The following NTSR1 variants were observed in gnomAD, a reference collection of about 807,000 sequenced individuals.
NTSR1 encodes the protein neurotensin receptor type 1.
In NTSR1, 29 loss-of-function variants were observed where a neutral mutation model predicts 31.2. The observed-to-expected ratio is 0.93, with a 90% CI of 0.69 to 1.27. NTSR1 has a LOEUF of 1.27. Ranked by LOEUF, NTSR1 falls within the 50% of genes most tolerant of loss-of-function variation. The probability of loss-of-function intolerance (pLI) is 0.00; values close to 1 mark genes in which losing one functional copy is unlikely to be tolerated. For synonymous variants in NTSR1, 282 were observed against 269.9 expected, an observed-to-expected ratio of 1.04 and a Z score of -0.44; for missense variants, 697 against 595.4, an observed-to-expected ratio of 1.17 and a Z score of -1.78.
chr20:62,710,117 TGAG>T (rs1208941090), intron 1 of NTSR1, among the ~76,000 whole-genome samples, 196 bp downstream of exon 1: 2 of 152,208 alleles, frequency 1.3e-5, no homozygotes, highest in Non-Finnish European at 2.9e-5. Flanking sequence ...TCCCTCCTGT[TGAG>T]GGGATGGAGC....
rs1410808301 is a variant in NTSR1 at position 62,750,709 on chromosome 20, A to C, written c.715-3976A>C. On this transcript the variant is annotated intron_variant, in intron 1 of 3. Transcript: ENST00000370501. The stretch of plus-strand genomic sequence containing the variant: ...CCGTCTCAAAAAAAAAAAAAAAAAA[A>C]AAACAATACTGCATTGCACACTCAA... Among the ~76,000 whole-genome samples, 12 of 151,008 alleles carry C rather than the reference A, an allele frequency of 7.9e-5. No homozygotes were observed. The East Asian group carries it at 2.3e-3, about 29-fold the overall frequency.
At chr20:62,736,233 G>A (rs1466053100) in intron 1 of NTSR1, among the ~76,000 whole-genome samples, 3 of 152,226 alleles carry the variant, frequency 2.0e-5, no homozygotes, top group South Asian at 2.1e-4. Flanking sequence ...GGAGCAGGGC[G>A]GGAAGGGAAG....
rs1056721808 is a variant in NTSR1 at position 62,718,364 on chromosome 20, C to T, written c.714+8443C>T. Among the ~76,000 whole-genome samples the T allele has an allele frequency of 4.6e-5, 7 of 152,032 alleles. No individual in the cohort carries two copies. The East Asian group carries it at 7.7e-4, about 17-fold the overall frequency. Reference sequence around the variant, plus strand: ...GCCAGGGTGGGGGTGGAGAAGGTGGCGGAGAGGGGTTGGATACCAGAGACG... The same window carrying T: ...GCCAGGGTGGGGGTGGAGAAGGTGGTGGAGAGGGGTTGGATACCAGAGACG... On this transcript the variant is annotated intron_variant, in intron 1 of 3. Coordinates refer to ENST00000370501, the MANE Select transcript of NTSR1 (RefSeq NM_002531.3).
chr20:62,716,009 G>A (rs1387053558), intron 1 of NTSR1, among the ~76,000 whole-genome samples: 1 of 152,224 alleles, frequency 6.6e-6, no homozygotes, highest in Non-Finnish European at 1.5e-5. Flanking sequence ...ATTAAGAGAA[G>A]AAAGAAGCTT....
At chr20:62,716,440 C>A (rs1988721136) in intron 1 of NTSR1, among the ~76,000 whole-genome samples, 1 of 130,702 alleles carries the variant, frequency 7.7e-6, no homozygotes, top group South Asian at 2.7e-4. Context: ...CATAGGGGCG[C>A]TGGGAACTCT....
At chr20:62,759,314 G>T (rs1211409904) in intron 3 of NTSR1, among the ~76,000 whole-genome samples, 1 of 152,190 alleles carries the variant, frequency 6.6e-6, no homozygotes, top group African/African-American at 2.4e-5. Flanking sequence ...TGAGGGCAAG[G>T]TGTGTGGCTG....
At chr20:62,736,300 C>T (rs1989091739) in intron 1 of NTSR1, among the ~76,000 whole-genome samples, 4 of 152,316 alleles carry the variant, frequency 2.6e-5, no homozygotes, top group Middle Eastern at 3.4e-3. Flanking sequence ...CTGGGGAGAC[C>T]CTGGGACCCC....
Position 62,709,709 on chromosome 20 carries a change from C to G in NTSR1, c.502C>G (p.Leu168Val). The G allele has an allele frequency of 6.2e-7, 1 of 1,612,872 alleles. No individual in the cohort carries two copies. ...GGCCAGCCTGAGTGTGGAGCGCTAC[C>G]TGGCCATCTGCCACCCCTTCAAGGC... ...NVASLSVERY[L>V]AICHPFKAKT... Residue 168 changes from leucine to valine, a missense_variant, in exon 1 of 4, where the codon CTG becomes GTG. Leu to Val is a conservative substitution (Grantham distance 32, BLOSUM62 1). Coordinates refer to ENST00000370501, the MANE Select transcript of NTSR1 (RefSeq NM_002531.3).
At chr20:62,738,655 G>T (rs1568704728) in intron 1 of NTSR1, among the ~76,000 whole-genome samples, 1 of 152,250 alleles carries the variant, frequency 6.6e-6, no homozygotes, top group Non-Finnish European at 1.5e-5. Context: ...GCCTGTGTTG[G>T]CAGGGAGCCC....
Position 62,755,239 on chromosome 20 carries a change from C to G in NTSR1, c.916+353C>G, listed in dbSNP as rs149980282. Among the ~76,000 whole-genome samples the G allele has an allele frequency of 9.9e-3, 1,288 of 129,546 alleles. 27 individuals are homozygous for G. Among genetic ancestry groups the G allele is most frequent in the African/African-American group, 0.034 (1,165 of 34,528 alleles). 85.0% of individuals were successfully genotyped at this position (129,546 alleles called of 152,430 possible). A position where few individuals can be genotyped will look rare whatever the true frequency, so the allele number is the denominator to read the frequency against. On this transcript the variant is annotated intron_variant, in intron 2 of 3. Coordinates refer to ENST00000370501, the MANE Select transcript of NTSR1 (RefSeq NM_002531.3). ...TCCATCCTTCTCTCCCTCCTTCCCT[C>G]CATTCACTCCTCTACCTCTCCCTCC...
Position 62,762,478 on chromosome 20 carries a change from T to C in NTSR1, c.*2211T>C, listed in dbSNP as rs912564244. The C allele has an allele frequency of 1.3e-5, 2 of 149,950 alleles. No individual in the cohort carries two copies. The highest frequency in any genetic ancestry group is 1.3e-4 in the Admixed American group (2 of 15,224). The allele number at this position is 149,950 out of a possible 1,614,324, so 9.3% of individuals were successfully genotyped here. A position where few individuals can be genotyped will look rare whatever the true frequency, so the allele number is the denominator to read the frequency against. ...TCGGCTTTTCCCGTTGATGTCTTGA[T>C]GCTCCTATCTGTGCACTTACCGTAG... On this transcript the variant is annotated 3_prime_UTR_variant, in exon 4 of 4. Coordinates refer to ENST00000370501, the MANE Select transcript of NTSR1 (RefSeq NM_002531.3).
In NTSR1 at chr20:62,760,354, G is replaced by A; in HGVS notation, c.*87G>A. ...AGAGCAGCCCCCACCCGGGAGCCTT[G>A]ATGGGGGTCAGGCAGAGGCCAGCCT... On this transcript the variant is annotated 3_prime_UTR_variant, in exon 4 of 4. Transcript: ENST00000370501. 6.8e-7 allele frequency: 1 copy of A among 1,479,938 alleles called. No individual in the cohort carries two copies. Among genetic ancestry groups the A allele is most frequent in the Non-Finnish European group, 9.0e-7 (1 of 1,107,338 alleles). 91.7% of individuals were successfully genotyped at this position (1,479,938 alleles called of 1,614,324 possible).
chr20:62,758,019 G>A lies in NTSR1; in HGVS notation c.917-247G>A, dbSNP rs565698646. The stretch of plus-strand genomic sequence containing the variant: ...CTGAGCCCACGTCTCTGTGCCTCAG[G>A]TGCAGTGGGTCTCTGAGCCCATGTC... On this transcript the variant is annotated intron_variant, in intron 2 of 3. Transcript: ENST00000370501. This position sits in a 1 kb window ranked among gnomAD's most constrained non-coding sequence, Gnocchi z 4.5. Among the ~76,000 whole-genome samples, 5 of 148,548 alleles carry A rather than the reference G, an allele frequency of 3.4e-5. No individual in the cohort carries two copies. Among genetic ancestry groups the A allele is most frequent in the African/African-American group, 1.0e-4 (4 of 39,796 alleles).
In NTSR1 at chr20:62,709,941, C is replaced by A. The variant is rs749276399; in HGVS notation, c.714+20C>A. On this transcript the variant is annotated intron_variant, in intron 1 of 3. Coordinates refer to ENST00000370501, the MANE Select transcript of NTSR1 (RefSeq NM_002531.3). ...ATACAGGTGAGCCTCAGTAACCAGC[C>A]CCGGGGCTCCCCTCTCCTTCACCCC... 6.5e-7 allele frequency: 1 copy of A among 1,534,968 alleles called. No homozygotes were observed. Among genetic ancestry groups the A allele is most frequent in the Non-Finnish European group, 8.8e-7 (1 of 1,131,866 alleles).
Position 62,714,979 on chromosome 20 carries a change from G to T in NTSR1, c.714+5058G>T, listed in dbSNP as rs973588384. Among the ~76,000 whole-genome samples the T allele has an allele frequency of 6.6e-6, 1 of 152,178 alleles. No individual in the cohort carries two copies. The highest frequency in any genetic ancestry group is 1.5e-5 in the Non-Finnish European group (1 of 68,044). ...ATGCGGAAATGTTTACAGACAAAATGATGCAATGTCTCAGATTTACTGAAG... is the reference window on the plus strand; with the variant it reads ...ATGCGGAAATGTTTACAGACAAAATTATGCAATGTCTCAGATTTACTGAAG... On this transcript the variant is annotated intron_variant, in intron 1 of 3. Transcript: ENST00000370501. This position sits in a 1 kb window ranked among gnomAD's most constrained non-coding sequence, Gnocchi z 4.1.
rs898518016 is a variant in NTSR1, at chr20:62,744,738, A to AG, written c.715-9947_715-9946insG. On this transcript the variant is annotated intron_variant, in intron 1 of 3. Transcript: ENST00000370501. This position sits in a 1 kb window ranked among gnomAD's most constrained non-coding sequence, Gnocchi z 4.1. ...GCAAAGCTCAGTCTCACAAAAAAAA[A>AG]AGAGAGAAATGAGCCTGAGGCCCAG... 3.3e-4 allele frequency among the ~76,000 whole-genome samples: 50 copies of AG among 151,916 alleles called. 1 individual carries two copies. The highest frequency in any genetic ancestry group is 3.2e-3 in the Middle Eastern group (1 of 316).
At position 62,762,407 on chromosome 20, in the gene NTSR1, G is replaced by T. The variant is rs535898006; in HGVS notation, c.*2140G>T. ...GGATGCCCCACTGCCCTAGACCCTCGGTAGACGTGGGGTCTCTGGGGCGGG... is the reference window on the plus strand; with the variant it reads ...GGATGCCCCACTGCCCTAGACCCTCTGTAGACGTGGGGTCTCTGGGGCGGG... On this transcript the variant is annotated 3_prime_UTR_variant, in exon 4 of 4. Coordinates refer to ENST00000370501, the MANE Select transcript of NTSR1 (RefSeq NM_002531.3). 6.6e-6 allele frequency: 1 copy of T among 152,104 alleles called. No individual in the cohort carries two copies. The highest frequency in any genetic ancestry group is 1.5e-5 in the Non-Finnish European group (1 of 68,028). 9.4% of individuals were successfully genotyped at this position (152,104 alleles called of 1,614,324 possible). A position where few individuals can be genotyped will look rare whatever the true frequency, so the allele number is the denominator to read the frequency against.
chr20:62,738,879 G>A (rs1009611591), intron 1 of NTSR1, among the ~76,000 whole-genome samples: 2 of 152,226 alleles, frequency 1.3e-5, no homozygotes, highest in South Asian at 4.1e-4. Flanking sequence ...GGGCCAGCAC[G>A]AGAAGGGAAA....
In NTSR1 at chr20:62,711,237, C is replaced by T. The variant is rs1441275396; in HGVS notation, c.714+1316C>T. On this transcript the variant is annotated intron_variant, in intron 1 of 3. Coordinates refer to ENST00000370501, the MANE Select transcript of NTSR1 (RefSeq NM_002531.3). This position sits in a 1 kb window ranked among gnomAD's most constrained non-coding sequence, Gnocchi z 6.4. ...TGTCCCATCTCGGGGAGGCCCCTCC[C>T]ACAGACACTGGTGGCAGGCAGTGAG... Among the ~76,000 whole-genome samples, 1 of 152,198 alleles carries T rather than the reference C, an allele frequency of 6.6e-6. No homozygotes were observed. Among genetic ancestry groups the T allele is most frequent in the Non-Finnish European group, 1.5e-5 (1 of 68,018 alleles).
Sources: gnomAD v4.1 joint callset for allele counts (sites outside exome capture counted in the v4.1 genomes callset) on GRCh38, gnomAD v4.1.1 for gene constraint, Gnocchi (gnomAD v3.1) non-coding constraint, MANE v1.5 for transcripts, NCBI Gene and HGNC (gene_info 2026-07-23, HGNC 2026-07-21) for gene names.